LYPLA1: variants seen among roughly 807,000 people sequenced by gnomAD.
LYPLA1 encodes the protein acyl-protein thioesterase 1.
LYPLA1 carries 17 observed loss-of-function variants against 34.0 expected under a neutral mutation model. The ratio of observed to expected loss-of-function variants is 0.50; its 90% confidence interval spans 0.34 to 0.75. The LOEUF is 0.75. Ranked by LOEUF, LYPLA1 falls within the 30% of genes least tolerant of loss-of-function variation. The pLI is 0.01. For missense variants in LYPLA1, 203 were observed against 288.8 expected, an observed-to-expected ratio of 0.70 and a Z score of 2.15; for synonymous variants, 98 against 100.8, an observed-to-expected ratio of 0.97 and a Z score of 0.17.
In LYPLA1 at chr8:54,048,046, A is replaced by G; in HGVS notation, c.*19T>C. ...TACAATGATGCTGGTGTACTTCTAC[A>G]CAAGGCCTCTTAGTGACGTCAATCA... On this transcript the variant is annotated 3_prime_UTR_variant, in exon 9 of 9. Coordinates refer to ENST00000316963, the MANE Select transcript of LYPLA1 (RefSeq NM_006330.4). 1.5e-5 allele frequency: 23 copies of G among 1,559,718 alleles called. No individual in the cohort carries two copies. Among genetic ancestry groups the G allele is most frequent in the Non-Finnish European group, 2.0e-5 (23 of 1,131,588 alleles).
chr8:54,085,659 GC>G (rs1199699410), intron 2 of LYPLA1, among the ~76,000 whole-genome samples: 1 of 148,090 alleles, frequency 6.8e-6, no homozygotes, highest in African/African-American at 2.5e-5. Flanking sequence ...GAGTGTCTCT[GC>G]CCCGCCGTCA....
At chr8:54,086,188 C>A (rs145016758) in intron 2 of LYPLA1, among the ~76,000 whole-genome samples, 30,148 of 151,462 alleles carry the variant, frequency 0.2, 4,284 homozygotes, top group East Asian at 0.74. Context: ...GGATTAAGGG[C>A]GGTGCAAGAT....
intron 3 of LYPLA1, among the ~76,000 whole-genome samples, chr8:54,065,340 C>T (rs1806971804): frequency 6.6e-6 from 1 of 151,952 alleles, no homozygotes; most frequent in South Asian, 2.1e-4. Context: ...TACCTGTAAT[C>T]CCAGCTACTC....
At chr8:54,062,902 A>C (rs1357101488) in intron 4 of LYPLA1, among the ~76,000 whole-genome samples, 2 of 152,174 alleles carry the variant, frequency 1.3e-5, no homozygotes, top group East Asian at 3.8e-4. Flanking sequence ...TAGGAACAAA[A>C]AACTGACCCT....
chr8:54,058,372 C>T (rs1387402619), intron 5 of LYPLA1, among the ~76,000 whole-genome samples: 1 of 152,048 alleles, frequency 6.6e-6, no homozygotes, highest in Non-Finnish European at 1.5e-5. Flanking sequence ...GGTGAAACAC[C>T]GTCTGTACTA....
At chr8:54,086,245 C>T (rs1348053724) in intron 2 of LYPLA1, among the ~76,000 whole-genome samples, 2 of 151,492 alleles carry the variant, frequency 1.3e-5, no homozygotes, top group Non-Finnish European at 2.9e-5. Flanking sequence ...CGTTAAGAGT[C>T]ATCACCACTC....
downstream of LYPLA1, among the ~76,000 whole-genome samples, chr8:54,045,832 G>A (rs1445487103): frequency 6.6e-5 from 10 of 152,308 alleles, no homozygotes; most frequent in African/African-American, 2.4e-4. Context: ...AGGCTGAAGC[G>A]AGTGGATCAC....
intron 2 of LYPLA1, among the ~76,000 whole-genome samples, chr8:54,087,771 C>G (rs925639375): frequency 6.6e-6 from 1 of 152,192 alleles, no homozygotes; most frequent in African/African-American, 2.4e-5. Context: ...AATGCTTGTT[C>G]TCCGGTGCCG....
At chr8:54,080,159 G>A (rs1366481437) in intron 2 of LYPLA1, among the ~76,000 whole-genome samples, 1 of 152,144 alleles carries the variant, frequency 6.6e-6, no homozygotes, top group Non-Finnish European at 1.5e-5. Flanking sequence ...GCTGAGGTGG[G>A]TGGATCACTT....
intron 2 of LYPLA1, chr8:54,073,509 C>G: frequency 1.4e-6 from 1 of 712,030 alleles, no homozygotes. Context: ...GAACTACCAG[C>G]ATCTACACTG....
At chr8:54,090,784 C>G (rs1357843924) in intron 2 of LYPLA1, among the ~76,000 whole-genome samples, 1 of 152,190 alleles carries the variant, frequency 6.6e-6, no homozygotes, top group African/African-American at 2.4e-5. Context: ...ACCCATGTGT[C>G]AAGGGTGGGA....
intron 2 of LYPLA1, among the ~76,000 whole-genome samples, chr8:54,099,459 T>C (rs1809945971): frequency 6.6e-6 from 1 of 152,022 alleles, no homozygotes; most frequent in Non-Finnish European, 1.5e-5. Flanking sequence ...GGGTGGATCA[T>C]TTGAGGTCAG....
intron 2 of LYPLA1, among the ~76,000 whole-genome samples, chr8:54,093,016 C>T (rs1318457232): frequency 1.3e-5 from 2 of 152,198 alleles, no homozygotes; most frequent in Non-Finnish European, 2.9e-5. Context: ...CAGTCCCAAT[C>T]AGTCTTACCA....
chr8:54,078,291 A>G (rs1808055166), intron 2 of LYPLA1, among the ~76,000 whole-genome samples: 2 of 152,130 alleles, frequency 1.3e-5, no homozygotes, highest in South Asian at 4.1e-4. Flanking sequence ...ACTATATCAT[A>G]ATCCAATACA....
At chr8:54,083,163 A>T (rs1166966457) in intron 2 of LYPLA1, among the ~76,000 whole-genome samples, 1 of 152,230 alleles carries the variant, frequency 6.6e-6, no homozygotes, top group African/African-American at 2.4e-5. Flanking sequence ...GTCTAGAAGA[A>T]TACTTAAAAA....
intron 8 of LYPLA1, 28 bp from the exon 9 acceptor site, chr8:54,048,146 T>A (rs184876816): frequency 1.3e-5 from 19 of 1,422,784 alleles, no homozygotes; most frequent in Non-Finnish European, 1.7e-5. Flanking sequence ...ATTTAATAGG[T>A]AGGTAGTTAT....
At chr8:54,060,893 C>T (rs1355276267) in intron 5 of LYPLA1, among the ~76,000 whole-genome samples, 2 of 151,778 alleles carry the variant, frequency 1.3e-5, no homozygotes, top group African/African-American at 4.8e-5. Context: ...CGGGGTTTCA[C>T]CATGTTGGCC....
At position 54,065,762 on chromosome 8, in the gene LYPLA1, A is replaced by G. The variant is rs766682640; in HGVS notation, c.153T>C (p.Tyr51=). The G allele has an allele frequency of 3.7e-6, 6 of 1,613,808 alleles. No individual in the cohort carries two copies. Among genetic ancestry groups the G allele is most frequent in the Non-Finnish European group, 5.1e-6 (6 of 1,179,794 alleles). ...FAGIRSSHIK[Y]ICPHAPVRPV... is the part of the protein sequence containing the mutation. ...GAAATACTCACGCATGCGGGCAGAT[A>G]TATTTGATATGTGAACTTCTGATAC... Residue 51 remains tyrosine, a synonymous_variant, in exon 3 of 9, where the codon TAT becomes TAC. Coordinates refer to ENST00000316963, the MANE Select transcript of LYPLA1 (RefSeq NM_006330.4).
At position 54,099,660 on chromosome 8, in the gene LYPLA1, CCAAA is replaced by C. The variant is rs932062772; in HGVS notation, c.101+1244_101+1247del. On this transcript the variant is annotated intron_variant, in intron 2 of 8. Coordinates refer to ENST00000316963, the MANE Select transcript of LYPLA1 (RefSeq NM_006330.4). ...CAGGGCAACACAGCAGACCCTGTCT[CCAAA>C]CAAACAAACAAAAATCTAGCCTAAT... 1.1e-4 allele frequency among the ~76,000 whole-genome samples: 17 copies of C among 152,162 alleles called. No individual in the cohort carries two copies. In the South Asian group the frequency reaches 2.5e-3, roughly 22 times the overall value.
Sources: gnomAD v4.1 joint callset for allele counts (sites outside exome capture counted in the v4.1 genomes callset) on GRCh38, gnomAD v4.1.1 for gene constraint, MANE v1.5 for transcripts, NCBI Gene and HGNC (gene_info 2026-07-23, HGNC 2026-07-21) for gene names.